The following MSI2 variants were observed in gnomAD, a reference collection of about 807,000 sequenced individuals.
MSI2 encodes the protein musashi RNA binding protein 2.
A neutral mutation model predicts 45.6 loss-of-function variants in MSI2; 17 were observed. The observed-to-expected ratio is 0.37, with a 90% confidence interval of 0.26 to 0.56. The LOEUF is 0.56. Ranked by LOEUF, MSI2 falls within the 20% of genes least tolerant of loss-of-function variation. MSI2 has a pLI of 0.77. For missense variants in MSI2, 293 were observed against 444.2 expected (o/e 0.66, Z 3.06); for synonymous variants, 156 against 158.2 (o/e 0.99, Z 0.11).
At chr17:57,701,227 A>G in the MSI2 span, among the ~76,000 whole-genome samples, 2 of 152,316 alleles carry the variant, frequency 1.3e-5, no homozygotes, top group African/African-American at 4.8e-5. Flanking sequence ...CTCCCCCATT[A>G]GGTTGCTATG....
chr17:57,458,187 G>A (rs780573212), intron 6 of MSI2, among the ~76,000 whole-genome samples: 5 of 145,790 alleles, frequency 3.4e-5, no homozygotes, highest in African/African-American at 5.1e-5. Flanking sequence ...TGCAAGCTCC[G>A]CCTCCCGGGA....
chr17:57,376,980 G>A (rs1391972398), intron 5 of MSI2, among the ~76,000 whole-genome samples: 2 of 151,626 alleles, frequency 1.3e-5, no homozygotes, highest in African/African-American at 4.8e-5. Context: ...GAGGGCAGTG[G>A]CGCGATCTCG....
rs2084108903 is a variant in MSI2 at position 57,407,633 on chromosome 17, C to A, written c.405+6162C>A. 6.6e-6 allele frequency among the ~76,000 whole-genome samples: 1 copy of A among 152,174 alleles called. No individual in the cohort carries two copies. Among genetic ancestry groups the A allele is most frequent in the Admixed American group, 6.5e-5 (1 of 15,290 alleles). ...GTGGGTTGCCCGGGGAGTGGTCAGCCTCCCGGGCCTCACCCTGTCCTCTGC... is the reference window on the plus strand; with the variant it reads ...GTGGGTTGCCCGGGGAGTGGTCAGCATCCCGGGCCTCACCCTGTCCTCTGC... On this transcript the variant is annotated intron_variant, in intron 6 of 13. Transcript: ENST00000284073. The surrounding 1 kb of genome is among the most constrained non-coding windows in gnomAD (Gnocchi z 4.1).
intron 6 of MSI2, among the ~76,000 whole-genome samples, chr17:57,479,243 G>T (rs1407585136): frequency 6.6e-6 from 1 of 152,162 alleles, no homozygotes; most frequent in East Asian, 1.9e-4. Flanking sequence ...GCCATTTTTT[G>T]GGAATGGGGC....
At chr17:57,341,815 CT>C (rs1362008151) in intron 5 of MSI2, among the ~76,000 whole-genome samples, 2 of 152,178 alleles carry the variant, frequency 1.3e-5, no homozygotes, top group Non-Finnish European at 2.9e-5. Context: ...GCACAGAGTA[CT>C]TGGAATTGAA....
chr17:57,450,880 A>G (rs1378648296), intron 6 of MSI2, among the ~76,000 whole-genome samples: 2 of 151,984 alleles, frequency 1.3e-5, no homozygotes, highest in Non-Finnish European at 2.9e-5. Context: ...CCTCCTCCCA[A>G]AACTTTTTGC....
chr17:57,269,121 G>A (rs1048466610), intron 5 of MSI2, among the ~76,000 whole-genome samples: 3 of 152,198 alleles, frequency 2.0e-5, no homozygotes, highest in Non-Finnish European at 4.4e-5. Flanking sequence ...TTGAAGATCA[G>A]ATAGGAAGGA....
intron 7 of MSI2, among the ~76,000 whole-genome samples, chr17:57,575,802 G>A (rs1284483010): frequency 2.0e-5 from 3 of 152,074 alleles, no homozygotes; most frequent in South Asian, 2.1e-4. Flanking sequence ...AAAATTAGCC[G>A]GGCCTGGTGG....
chr17:57,582,227 T>A (rs2144372766), intron 7 of MSI2, among the ~76,000 whole-genome samples: 1 of 152,298 alleles, frequency 6.6e-6, no homozygotes, highest in African/African-American at 2.4e-5. Flanking sequence ...GTCCATGATG[T>A]ACCATCTCAC....
intron 5 of MSI2, among the ~76,000 whole-genome samples, chr17:57,393,822 C>T (rs2083840300): frequency 6.6e-6 from 1 of 152,204 alleles, no homozygotes; most frequent in Non-Finnish European, 1.5e-5. Context: ...GCTGGGATTA[C>T]AGACGTGCAC....
At chr17:57,655,129 C>T (rs1911498804) in intron 11 of MSI2, among the ~76,000 whole-genome samples, 1 of 152,048 alleles carries the variant, frequency 6.6e-6, no homozygotes, top group African/African-American at 2.4e-5. Context: ...GCCTGCCCAC[C>T]TGTTCCTAAT....
chr17:57,363,569 C>T (rs542660870), intron 5 of MSI2, among the ~76,000 whole-genome samples: 32 of 152,294 alleles, frequency 2.1e-4, no homozygotes, highest in African/African-American at 7.7e-4. Context: ...GAAACCCTGT[C>T]TCTACTAAAA....
At chr17:57,264,453 T>G (rs1213929371) in intron 5 of MSI2, 1 of 152,210 alleles carries the variant, frequency 6.6e-6, no homozygotes, top group Non-Finnish European at 1.5e-5. Context: ...GGCCAAGCTA[T>G]CCTCCCACCT....
intron 5 of MSI2, among the ~76,000 whole-genome samples, chr17:57,390,035 T>C (rs2083758295): frequency 6.8e-6 from 1 of 147,622 alleles, no homozygotes; most frequent in Non-Finnish European, 1.5e-5. Flanking sequence ...GCCAGGAGCT[T>C]GAGACCAGCC....
At chr17:57,674,595 A>G (rs1176991574) in intron 11 of MSI2, among the ~76,000 whole-genome samples, 1 of 151,566 alleles carries the variant, frequency 6.6e-6, no homozygotes, top group East Asian at 1.9e-4. Context: ...TTCAGATGTG[A>G]AAAAAAAACT....
At chr17:57,293,301 T>A (rs913301214) in intron 5 of MSI2, among the ~76,000 whole-genome samples, 1 of 151,998 alleles carries the variant, frequency 6.6e-6, no homozygotes, top group Admixed American at 6.6e-5. Context: ...GCTTGGAGTA[T>A]GAAACCACCA....
chr17:57,476,242 G>A (rs952820943), intron 6 of MSI2, among the ~76,000 whole-genome samples: 4 of 152,174 alleles, frequency 2.6e-5, no homozygotes, highest in African/African-American at 4.8e-5. Context: ...GGGGGTCTCT[G>A]AGCAGAAGTC....
intron 7 of MSI2, among the ~76,000 whole-genome samples, chr17:57,587,717 A>AGGTCTG (rs1904434465): frequency 6.6e-6 from 1 of 151,936 alleles, no homozygotes; most frequent in Admixed American, 6.6e-5. Flanking sequence ...GTAATTCCCC[A>AGGTCTG]CAGCCCCAGC....
chr17:57,642,487 G>T (rs527927944), intron 10 of MSI2, among the ~76,000 whole-genome samples: 1 of 152,132 alleles, frequency 6.6e-6, no homozygotes, highest in African/African-American at 2.4e-5. Flanking sequence ...CAACCTAGAG[G>T]GGTCCAAAGC....
Sources: allele counts gnomAD v4.1 joint callset (sites outside exome capture counted in the v4.1 genomes callset), GRCh38; gene constraint gnomAD v4.1.1; non-coding constraint Gnocchi (gnomAD v3.1); transcripts MANE v1.5; gene names NCBI Gene and HGNC (gene_info 2026-07-23, HGNC 2026-07-21).